Variants in CST7 observed in about 807,000 individuals in gnomAD.
CST7 encodes the protein cystatin F.
CST7 carries 15 observed loss-of-function variants against 13.1 expected under a neutral mutation model. The observed-to-expected ratio is 1.14, with a 90% confidence interval of 0.77 to 1.76. CST7 has a LOEUF of 1.76. Among genes scored for constraint, CST7 ranks in the 40% most tolerant of loss-of-function variants. CST7 has a pLI of 0.00. For missense variants in CST7, 193 were observed against 178.8 expected (o/e 1.08, Z -0.45); for synonymous variants, 75 against 66.9 (o/e 1.12, Z -0.59).
At chr20:24,952,013 C>CT (rs2087822220) in intron 1 of CST7, among the ~76,000 whole-genome samples, 1 of 152,204 alleles carries the variant, frequency 6.6e-6, no homozygotes, top group African/African-American at 2.4e-5. Context: ...AGAGAGACCA[C>CT]TTGCAGCCCG....
intron 1 of CST7, among the ~76,000 whole-genome samples, chr20:24,953,406 T>TG (rs912483933): frequency 1.6e-4 from 25 of 152,242 alleles, no homozygotes; most frequent in African/African-American, 5.8e-4. Context: ...TGTTCCTCCG[T>TG]GGGGGGTTTC....
intron 2 of CST7, among the ~76,000 whole-genome samples, chr20:24,957,692 A>T (rs2087868329): frequency 6.6e-6 from 1 of 152,130 alleles, no homozygotes; most frequent in African/African-American, 2.4e-5. Flanking sequence ...GGTGGTTACC[A>T]GGCCCCTGGC....
chr20:24,957,087 GGTT>G (rs2087862353), intron 1 of CST7, among the ~76,000 whole-genome samples, 197 bp from the exon 2 acceptor site: 1 of 128,034 alleles, frequency 7.8e-6, no homozygotes, highest in Non-Finnish European at 1.7e-5. Context: ...GAGGGGGGCA[GGTT>G]AGGGGTGGGT....
At chr20:24,950,723 G>C (rs762004836) in intron 1 of CST7, among the ~76,000 whole-genome samples, 3 of 152,100 alleles carry the variant, frequency 2.0e-5, no homozygotes, top group Non-Finnish European at 2.9e-5. Context: ...CTTAGCTCAC[G>C]CAAGGAGCCC....
intron 2 of CST7, among the ~76,000 whole-genome samples, chr20:24,958,473 G>A (rs1248699674): frequency 6.6e-6 from 1 of 152,212 alleles, no homozygotes; most frequent in Non-Finnish European, 1.5e-5. Flanking sequence ...GACCACAAAT[G>A]AGAATGAACA....
Position 24,957,089 on chromosome 20 carries a change from T to TGAGGAGGGACAGG in CST7, c.71-198_71-197insGAGGAGGGACAGG, listed in dbSNP as rs1568806155. Among the ~76,000 whole-genome samples the TGAGGAGGGACAGG allele has an allele frequency of 5.1e-3, 6 of 1,188 alleles. 3 individuals carry two copies. The highest frequency in any genetic ancestry group is 0.059 in the South Asian group (2 of 34). The allele number at this position is 1,188 out of a possible 152,430, so 0.8% of individuals were successfully genotyped here. On this transcript the variant is annotated intron_variant, in intron 1 of 3. Transcript: ENST00000480798. Reference sequence around the variant, plus strand: ...TGAGGGGGCAGGTGAGGGGGGCAGGTTAGGGGTGGGTAGGGTGGGGGCAGG... The same window carrying TGAGGAGGGACAGG: ...TGAGGGGGCAGGTGAGGGGGGCAGGTGAGGAGGGACAGGTAGGGGTGGGTAGGGTGGGGGCAGG...
chr20:24,958,555 G>A (rs1267891043), intron 2 of CST7, among the ~76,000 whole-genome samples: 2 of 152,226 alleles, frequency 1.3e-5, no homozygotes, highest in East Asian at 3.9e-4. Flanking sequence ...GAATGGAGAG[G>A]GGAAGCCCGC....
At chr20:24,959,394 C>G (rs147518800) in intron 3 of CST7, among the ~76,000 whole-genome samples, 270 of 152,150 alleles carry the variant, frequency 1.8e-3, no homozygotes, top group Non-Finnish European at 2.6e-3. Context: ...ATATGTATAT[C>G]ATATATAGCA....
In CST7 at chr20:24,949,582, G is replaced by A. The variant is rs372312352; in HGVS notation, c.70+7G>A. On this transcript the variant is annotated splice_region_variant and intron_variant, in intron 1 of 3. Coordinates refer to ENST00000480798, the MANE Select transcript of CST7 (RefSeq NM_003650.4). ...ACTGGGGGCCCTTCCCCAGGTAAGT[G>A]GCGTTCTCCCCTGTCCGCTCCCCGG... 1 of 1,613,956 alleles carries A rather than the reference G, an allele frequency of 6.2e-7. No homozygotes were observed. Among genetic ancestry groups the A allele is most frequent in the Non-Finnish European group, 8.5e-7 (1 of 1,179,986 alleles).
At position 24,956,971 on chromosome 20, in the gene CST7, C is replaced by T. The variant is rs1014990090; in HGVS notation, c.71-316C>T. Among the ~76,000 whole-genome samples, 7 of 30,044 alleles carry T rather than the reference C, an allele frequency of 2.3e-4. No individual in the cohort carries two copies. In the East Asian group the frequency reaches 4.5e-3, roughly 19 times the overall value. 19.7% of individuals were successfully genotyped at this position (30,044 alleles called of 152,430 possible). ...AGCTCTGAAAATGGAGCAATAAATG[C>T]ACTGCAGGGGTGTCGGGGGGGACAG... On this transcript the variant is annotated intron_variant, in intron 1 of 3. Coordinates refer to ENST00000480798, the MANE Select transcript of CST7 (RefSeq NM_003650.4).
chr20:24,959,108 T>A, intron 3 of CST7, 64 bp downstream of exon 3: 1 of 1,288,052 alleles, frequency 7.8e-7, no homozygotes, highest in Non-Finnish European at 1.1e-6. Context: ...CTCCCAGGAC[T>A]GTGAAAAACA....
In CST7 at chr20:24,955,446, C is replaced by CTTTT. The variant is rs777745036; in HGVS notation, c.71-1825_71-1822dup. On this transcript the variant is annotated intron_variant, in intron 1 of 3. Transcript: ENST00000480798. ...TATTCCATCTTCAGAGGCCTAAAGT[C>CTTTT]TTTTTTTTTTTTTTTTTTTCTGAGA... 3.6e-3 allele frequency among the ~76,000 whole-genome samples: 479 copies of CTTTT among 133,392 alleles called. 7 individuals carry two copies. The highest frequency in any genetic ancestry group is 0.013 in the African/African-American group (468 of 35,690). 87.5% of individuals were successfully genotyped at this position (133,392 alleles called of 152,430 possible). A position where few individuals can be genotyped will look rare whatever the true frequency, so the allele number is the denominator to read the frequency against.
At chr20:24,959,430 C>T (rs963044272) in intron 3 of CST7, among the ~76,000 whole-genome samples, 1 of 152,096 alleles carries the variant, frequency 6.6e-6, no homozygotes, top group African/African-American at 2.4e-5. Flanking sequence ...AGCAAGAGAA[C>T]GGGAACACAG....
chr20:24,953,059 T>C (rs1568804719), intron 1 of CST7, among the ~76,000 whole-genome samples: 1 of 152,148 alleles, frequency 6.6e-6, no homozygotes, highest in Non-Finnish European at 1.5e-5. Flanking sequence ...CCAGCAGCTG[T>C]CAGAAACTGC....
intron 1 of CST7, among the ~76,000 whole-genome samples, chr20:24,956,597 A>G (rs1421856601): frequency 6.6e-6 from 1 of 152,118 alleles, no homozygotes; most frequent in African/African-American, 2.4e-5. Context: ...TGTCACTCAT[A>G]GGAGTGAAAA....
rs2087884757 is a variant in CST7, at chr20:24,959,829, A to G, written c.*117A>G. On this transcript the variant is annotated 3_prime_UTR_variant, in exon 4 of 4. Coordinates refer to ENST00000480798, the MANE Select transcript of CST7 (RefSeq NM_003650.4). The stretch of plus-strand genomic sequence containing the variant: ...GACCCTCTCAGGCCTCTGACGAGTG[A>G]GCGGGTGAAGTGCCACTGGGTCACC... The G allele has an allele frequency of 9.7e-7, 1 of 1,028,698 alleles. No individual in the cohort carries two copies. 63.7% of individuals were successfully genotyped at this position (1,028,698 alleles called of 1,614,324 possible). A position where few individuals can be genotyped will look rare whatever the true frequency, so the allele number is the denominator to read the frequency against.
chr20:24,954,218 C>T (rs566881740), intron 1 of CST7, among the ~76,000 whole-genome samples: 16 of 152,214 alleles, frequency 1.1e-4, no homozygotes, highest in South Asian at 4.1e-4. Flanking sequence ...TTTAGCCCCC[C>T]ACCCTGCACT....
At chr20:24,955,284 A>G (rs2087846647) in intron 1 of CST7, among the ~76,000 whole-genome samples, 2 of 152,146 alleles carry the variant, frequency 1.3e-5, no homozygotes, top group African/African-American at 2.4e-5. Context: ...TCCTGATGGT[A>G]ACACTGCAGG....
At chr20:24,957,682 G>C (rs2087868288) in intron 2 of CST7, among the ~76,000 whole-genome samples, 1 of 152,134 alleles carries the variant, frequency 6.6e-6, no homozygotes, top group Non-Finnish European at 1.5e-5. Flanking sequence ...ACGGCTCCTG[G>C]GTGGTTACCA....
Sources: allele counts gnomAD v4.1 joint callset (sites outside exome capture counted in the v4.1 genomes callset), GRCh38; gene constraint gnomAD v4.1.1; transcripts MANE v1.5; gene names NCBI Gene and HGNC (gene_info 2026-07-23, HGNC 2026-07-21).